SEMA4A: variants seen among roughly 807,000 people sequenced by gnomAD.
SEMA4A encodes the protein semaphorin-4A.
In SEMA4A, 52 loss-of-function variants were observed where a neutral mutation model predicts 72.5. The observed-to-expected ratio is 0.72, with a 90% CI of 0.57 to 0.90. The LOEUF (loss-of-function observed/expected upper bound fraction) is 0.90. SEMA4A is among the 40% of genes least tolerant of loss of function. The probability of loss-of-function intolerance (pLI) is 0.00; values close to 1 mark genes in which losing one functional copy is unlikely to be tolerated. For synonymous variants in SEMA4A, 369 were observed against 393.1 expected, an observed-to-expected ratio of 0.94 and a Z score of 0.73; for missense variants, 926 against 959.7, an observed-to-expected ratio of 0.96 and a Z score of 0.46.
intron 2 of SEMA4A, 194 bp downstream of exon 2, chr1:156,154,911 A>C: frequency 2.8e-6 from 2 of 726,166 alleles, no homozygotes. Context: ...AGGAAAGAAA[A>C]GCCACTGGAG....
At chr1:156,152,288 G>A (rs1182340407), upstream of SEMA4A, among the ~76,000 whole-genome samples, 1 of 152,188 alleles carries the variant, frequency 6.6e-6, no homozygotes, top group African/African-American at 2.4e-5. Flanking sequence ...AGGAAGAACT[G>A]GGGGCAGGGC....
rs1315805313 is a variant in SEMA4A, at chr1:156,157,372, C to CG, written c.301-694dup. Among the ~76,000 whole-genome samples the CG allele has an allele frequency of 6.6e-6, 1 of 152,144 alleles. No homozygotes were observed. The highest frequency in any genetic ancestry group is 6.5e-5 in the Admixed American group (1 of 15,290). On this transcript the variant is annotated intron_variant, in intron 3 of 14. Transcript: ENST00000368285. The surrounding 1 kb of genome is among the most constrained non-coding windows in gnomAD (Gnocchi z 4.5). ...CTGATTTTTCTGTTTTTAGTAGAGA[C>CG]GGGGTTTCACCATGTTGGTCAGCCT...
At chr1:156,158,560 G>A (rs900581549) in intron 5 of SEMA4A, 74 bp downstream of exon 5, 1 of 1,404,502 alleles carries the variant, frequency 7.1e-7, no homozygotes, top group Non-Finnish European at 1.0e-6. Context: ...TTCCTCTGTA[G>A]CTCTGGAAAA....
At chr1:156,156,778 C>T (rs1389005226) in intron 3 of SEMA4A, among the ~76,000 whole-genome samples, 2 of 149,562 alleles carry the variant, frequency 1.3e-5, no homozygotes, top group Non-Finnish European at 3.0e-5. Flanking sequence ...GAGTCTTGCT[C>T]CGTTGCCCAG....
chr1:156,175,648 C>G lies in SEMA4A; in HGVS notation c.1685C>G (p.Pro562Arg). ...MSRSLRPQSR[P>R]QIIKEVLAVP... ...AGGAGCCTTCGGCCTCAGAGCCGCC[C>G]GCAAATCAGTGAGTGTAGGACCACT... The change falls in exon 14 of 15, where the codon CCG (proline) becomes CGG (arginine). Residue 562 changes from proline to arginine, a missense_variant. By Grantham distance (103) the Pro-to-Arg change is moderately radical. Transcript: ENST00000368285. 1.2e-6 allele frequency: 2 copies of G among 1,605,734 alleles called. No individual in the cohort carries two copies. The highest frequency in any genetic ancestry group is 2.2e-5 in the East Asian group (1 of 44,694).
intron 10 of SEMA4A, 107 bp downstream of exon 10, chr1:156,163,201 C>T (rs1027239023): frequency 1.5e-6 from 2 of 1,299,876 alleles, no homozygotes; most frequent in African/African-American, 1.5e-5. Context: ...TGCTCTCCAC[C>T]CCACCAATCT....
chr1:156,166,225 T>C (rs1391761489), intron 10 of SEMA4A, among the ~76,000 whole-genome samples: 1 of 152,024 alleles, frequency 6.6e-6, no homozygotes, highest in Non-Finnish European at 1.5e-5. Context: ...GTATTTTTAG[T>C]AGAAACTAGG....
chr1:156,155,844 A>G lies in SEMA4A; in HGVS notation c.140-570A>G, dbSNP rs183686383. ...GAGAGGACCTAGGTGAGCCTCCCACACCTGGCTCACCATCCCTGCCCAGGG... is the reference window on the plus strand; with the variant it reads ...GAGAGGACCTAGGTGAGCCTCCCACGCCTGGCTCACCATCCCTGCCCAGGG... On this transcript the variant is annotated intron_variant, in intron 2 of 14. Transcript: ENST00000368285. 5.3e-3 allele frequency: 1,013 copies of G among 191,314 alleles called. 4 individuals carry two copies. The highest frequency in any genetic ancestry group is 0.012 in the Middle Eastern group (5 of 424). 11.9% of individuals were successfully genotyped at this position (191,314 alleles called of 1,614,324 possible).
intron 2 of SEMA4A, chr1:156,156,169 C>G: frequency 2.0e-6 from 1 of 511,622 alleles, no homozygotes; most frequent in Non-Finnish European, 3.6e-6. Flanking sequence ...CTGTGCCTCA[C>G]TTTATTTCCC....
Position 156,176,757 on chromosome 1 carries a change from C to G in SEMA4A, c.2046C>G (p.Pro682=). 6.2e-7 allele frequency: 1 copy of G among 1,612,322 alleles called. No homozygotes were observed. The highest frequency in any genetic ancestry group is 8.5e-7 in the Non-Finnish European group (1 of 1,178,504). The change falls in exon 15 of 15, where the codon CCC becomes CCG. Residue 682 remains proline (P), a synonymous_variant. Coordinates refer to ENST00000368285, the MANE Select transcript of SEMA4A (RefSeq NM_022367.4). ...TGGCTGCCCAGCAGTCCTACTGGCC[C>G]CACTTTGTCACTGTCACTGTCCTCT... The part of the protein sequence containing the change: ...AALAAQQSYW[P]HFVTVTVLFA...
In SEMA4A at chr1:156,156,499, T is replaced by G. The variant is rs570859927; in HGVS notation, c.225T>G (p.Thr75=). The G allele has an allele frequency of 4.1e-5, 66 of 1,614,126 alleles. 1 individual carries two copies. The South Asian group carries it at 7.0e-4, about 17-fold the overall frequency. ...TGCTCCTGAGTGGTGATGGAAATAC[T>G]CTCTACGTGGGGGCTCGAGAAGCCA... ...DTLLLSGDGN[T]LYVGAREAIL... is the part of the protein sequence containing the mutation. Residue 75 remains threonine, a synonymous_variant, in exon 3 of 15, where the codon ACT becomes ACG. Transcript: ENST00000368285.
At chr1:156,156,724 A>G in intron 3 of SEMA4A, 150 bp downstream of exon 3, 2 of 754,530 alleles carry the variant, frequency 2.7e-6, no homozygotes. Context: ...AATATAACAG[A>G]CAGGAAATGT....
chr1:156,177,113 A>T lies in SEMA4A; in HGVS notation c.*116A>T. On this transcript the variant is annotated 3_prime_UTR_variant, in exon 15 of 15. Coordinates refer to ENST00000368285, the MANE Select transcript of SEMA4A (RefSeq NM_022367.4). ...CAAAAGACCACCTTTCTCCCCTGAG[A>T]GGAGCTTCTGCTACTCTGCATCACT... 1.1e-6 allele frequency: 1 copy of T among 900,236 alleles called. No individual in the cohort carries two copies. The highest frequency in any genetic ancestry group is 1.8e-6 in the Non-Finnish European group (1 of 565,012). The allele number at this position is 900,236 out of a possible 1,614,324, so 55.8% of individuals were successfully genotyped here.
At chr1:156,160,865 A>G (rs749069746) in intron 7 of SEMA4A, 40 bp from the exon 8 acceptor site, 3 of 1,612,500 alleles carry the variant, frequency 1.9e-6, no homozygotes, top group African/African-American at 1.3e-5. Context: ...CAGGGCATGC[A>G]GGGGCTCAGT....
intron 14 of SEMA4A, 122 bp downstream of exon 14, chr1:156,175,778 G>T: frequency 1.3e-6 from 1 of 746,674 alleles, no homozygotes; most frequent in South Asian, 1.5e-5. Context: ...CTGAACACCC[G>T]AGTTGGGATG....
chr1:156,161,198 G>A (rs1248529849), intron 8 of SEMA4A, 148 bp from the exon 9 acceptor site: 2 of 467,404 alleles, frequency 4.3e-6, no homozygotes, highest in Non-Finnish European at 7.1e-6. Context: ...GTGGGGCGGG[G>A]GACAAGCGTG....
chr1:156,162,341 C>G (rs889654799), intron 9 of SEMA4A, among the ~76,000 whole-genome samples: 6 of 152,258 alleles, frequency 3.9e-5, no homozygotes, highest in Admixed American at 2.0e-4. Context: ...GAGTCATGGT[C>G]TGGCCCCACA....
intron 10 of SEMA4A, among the ~76,000 whole-genome samples, chr1:156,165,433 C>A (rs1654065347): frequency 6.6e-6 from 1 of 151,970 alleles, no homozygotes; most frequent in Non-Finnish European, 1.5e-5. Flanking sequence ...GGATACATGG[C>A]AGGTAAAACA....
Position 156,176,403 on chromosome 1 carries a change from A to C in SEMA4A, c.1694-2A>C. The C allele has an allele frequency of 6.2e-7, 1 of 1,602,524 alleles. No individual in the cohort carries two copies. ...CCTTTTGCTCCTTTCTTTCTCCTAC[A>C]GTTAAAGAAGTCCTGGCTGTCCCCA... On this transcript the variant is annotated splice_acceptor_variant, in intron 14 of 14. Coordinates refer to ENST00000368285, the MANE Select transcript of SEMA4A (RefSeq NM_022367.4). LOFTEE classifies it high-confidence loss of function.
Sources: allele counts gnomAD v4.1 joint callset (sites outside exome capture counted in the v4.1 genomes callset), GRCh38; gene constraint gnomAD v4.1.1; non-coding constraint Gnocchi (gnomAD v3.1); transcripts MANE v1.5; gene names NCBI Gene and HGNC (gene_info 2026-07-23, HGNC 2026-07-21).